The following CLPTM1 variants were observed in gnomAD, a reference collection of about 807,000 sequenced individuals.
CLPTM1 encodes the protein CLPTM1 regulator of GABA type A receptor forward trafficking, also known as putative lipid scramblase CLPTM1.
Under a neutral mutation model 77.3 loss-of-function variants are expected in CLPTM1, and 21 were observed. That is an observed-to-expected ratio of 0.27 (90% confidence interval 0.19 to 0.39). The LOEUF (loss-of-function observed/expected upper bound fraction) is 0.39. CLPTM1 is among the 10% of genes least tolerant of loss of function. The pLI, the probability that CLPTM1 is intolerant of heterozygous loss-of-function variation, is 1.00. For missense variants in CLPTM1, 642 were observed against 921.2 expected (o/e 0.70, Z 3.92); for synonymous variants, 373 against 381.0 (o/e 0.98, Z 0.24).
At chr19:44,963,518 G>C (rs534707936) in intron 2 of CLPTM1, among the ~76,000 whole-genome samples, 1 of 151,524 alleles carries the variant, frequency 6.6e-6, no homozygotes, top group African/African-American at 2.4e-5. Context: ...GTAGAGATGG[G>C]GTTTCACCGT....
chr19:44,968,567 A>G (rs1237749780), intron 2 of CLPTM1, among the ~76,000 whole-genome samples: 1 of 152,232 alleles, frequency 6.6e-6, no homozygotes. Context: ...GCCTGGGTGC[A>G]TGGATGAGGG....
intron 2 of CLPTM1, among the ~76,000 whole-genome samples, 164 bp from the exon 3 acceptor site, chr19:44,972,923 C>G (rs576482099): frequency 1.2e-4 from 18 of 152,248 alleles, no homozygotes; most frequent in Non-Finnish European, 2.1e-4. Flanking sequence ...TTAGGGACAT[C>G]TTATCTCCTT....
intron 1 of CLPTM1, among the ~76,000 whole-genome samples, chr19:44,959,153 T>C (rs929439396): frequency 3.9e-5 from 6 of 152,204 alleles, no homozygotes; most frequent in Non-Finnish European, 7.3e-5. Flanking sequence ...TTTTTAGTTT[T>C]TGTCTGTTGC....
At chr19:44,987,825 C>T (rs1971005796) in intron 8 of CLPTM1, 4 of 578,992 alleles carry the variant, frequency 6.9e-6, no homozygotes, top group Non-Finnish European at 1.2e-5. Flanking sequence ...TCCTGGCTCC[C>T]AGTGTCCCTT....
rs774543273 is a variant in CLPTM1 at position 44,992,739 on chromosome 19, G to C, written c.1852G>C (p.Ala618Pro). 3.7e-6 allele frequency: 6 copies of C among 1,613,106 alleles called. 1 individual carries two copies. In the East Asian group the frequency reaches 8.9e-5, roughly 24 times the overall value. The change falls in exon 14 of 14, where the codon GCA (alanine) becomes CCA (proline). Residue 618 changes from alanine (A) to proline (P), a missense_variant. Physicochemically the swap from Ala to Pro is conservative, Grantham distance 27. Coordinates refer to ENST00000337392, the MANE Select transcript of CLPTM1 (RefSeq NM_001294.4). This position sits in a 1 kb window ranked among gnomAD's most constrained non-coding sequence, Gnocchi z 7.7. ...AAPVAEVPTA[A>P]GALTPTPAPT... Reference sequence around the variant, plus strand: ...CCCCGTGGCCGAGGTTCCCACAGCAGCAGGGGCCCTCACGCCCACACCTGC... The same window carrying C: ...CCCCGTGGCCGAGGTTCCCACAGCACCAGGGGCCCTCACGCCCACACCTGC...
chr19:44,962,150 A>C, intron 2 of CLPTM1, 75 bp downstream of exon 2: 1 of 884,458 alleles, frequency 1.1e-6, no homozygotes. Context: ...AAGTCAGCTG[A>C]TCAGCTGAGG....
chr19:44,990,321 G>A lies in CLPTM1; in HGVS notation c.1133-74G>A. Reference sequence around the variant, plus strand: ...CCAGGGTGTGAGGATGCAGGCCAAGGGGGCCTGAGGGAGCTGCAGTAGGGT... The same window carrying A: ...CCAGGGTGTGAGGATGCAGGCCAAGAGGGCCTGAGGGAGCTGCAGTAGGGT... On this transcript the variant is annotated intron_variant, in intron 9 of 13. Transcript: ENST00000337392. This position sits in a 1 kb window ranked among gnomAD's most constrained non-coding sequence, Gnocchi z 4.8. 1 of 1,500,476 alleles carries A rather than the reference G, an allele frequency of 6.7e-7. No individual in the cohort carries two copies. The highest frequency in any genetic ancestry group is 9.1e-7 in the Non-Finnish European group (1 of 1,094,512). The allele number at this position is 1,500,476 out of a possible 1,614,324, so 92.9% of individuals were successfully genotyped here. A position where few individuals can be genotyped will look rare whatever the true frequency, so the allele number is the denominator to read the frequency against.
At chr19:44,980,859 A>G (rs1425516324) in intron 5 of CLPTM1, among the ~76,000 whole-genome samples, 2 of 151,076 alleles carry the variant, frequency 1.3e-5, no homozygotes, top group Non-Finnish European at 2.9e-5. Context: ...TTTTTTTGAG[A>G]TGAAGTCTTG....
chr19:44,968,742 A>G (rs1048448989), intron 2 of CLPTM1, among the ~76,000 whole-genome samples: 1 of 152,292 alleles, frequency 6.6e-6, no homozygotes, highest in Middle Eastern at 3.4e-3. Context: ...ACAGCCACAC[A>G]CTAAGCCAGG....
intron 4 of CLPTM1, among the ~76,000 whole-genome samples, chr19:44,975,043 CAT>C (rs1460901754): frequency 9.2e-6 from 1 of 108,152 alleles, no homozygotes; most frequent in Non-Finnish European, 1.9e-5. Flanking sequence ...TCTCATTTAA[CAT>C]GTGAGGAAAC....
chr19:44,979,228 C>G (rs1469832311), intron 5 of CLPTM1, among the ~76,000 whole-genome samples: 1 of 152,158 alleles, frequency 6.6e-6, no homozygotes, highest in Non-Finnish European at 1.5e-5. Flanking sequence ...GATCGTCTGC[C>G]TCGGCCTCCC....
chr19:44,982,370 G>A (rs1011426856), intron 5 of CLPTM1, among the ~76,000 whole-genome samples: 3 of 151,388 alleles, frequency 2.0e-5, no homozygotes, highest in African/African-American at 7.3e-5. Context: ...AGGGTCTAGC[G>A]TGTGTTTTAT....
chr19:44,971,348 ATTTTC>A (rs1314869293), intron 2 of CLPTM1, among the ~76,000 whole-genome samples: 1 of 151,784 alleles, frequency 6.6e-6, no homozygotes, highest in African/African-American at 2.4e-5. Flanking sequence ...ATATATTGAT[ATTTTC>A]TTAGTGTATT....
chr19:44,986,742 A>C (rs1040499582), intron 7 of CLPTM1, 167 bp downstream of exon 7: 1 of 847,762 alleles, frequency 1.2e-6, no homozygotes, highest in Non-Finnish European at 1.8e-6. Flanking sequence ...TCCCTCTCCC[A>C]CACCACCACC....
At chr19:44,956,568 G>C (rs1970467193) in intron 1 of CLPTM1, among the ~76,000 whole-genome samples, 1 of 152,158 alleles carries the variant, frequency 6.6e-6, no homozygotes, top group Admixed American at 6.5e-5. Context: ...AGCATTCTCA[G>C]CCAGGGCCTG....
chr19:44,956,753 C>T (rs1970469865), intron 1 of CLPTM1, among the ~76,000 whole-genome samples: 1 of 152,096 alleles, frequency 6.6e-6, no homozygotes, highest in Non-Finnish European at 1.5e-5. Flanking sequence ...TTCTCATTGC[C>T]CTGAGCTTCC....
intron 2 of CLPTM1, among the ~76,000 whole-genome samples, chr19:44,965,864 GTC>G (rs898624712): frequency 2.0e-5 from 3 of 152,208 alleles, no homozygotes; most frequent in Non-Finnish European, 2.9e-5. Flanking sequence ...TGGCTAGAAT[GTC>G]TTCACATGGC....
intron 2 of CLPTM1, among the ~76,000 whole-genome samples, chr19:44,965,937 T>C (rs1272392893): frequency 1.3e-5 from 2 of 152,270 alleles, no homozygotes; most frequent in Middle Eastern, 3.2e-3. Context: ...CTGAGCACCC[T>C]GCTGGAAAGC....
intron 4 of CLPTM1, among the ~76,000 whole-genome samples, chr19:44,975,004 C>T (rs538783610): frequency 6.6e-6 from 1 of 152,308 alleles, no homozygotes; most frequent in East Asian, 1.9e-4. Context: ...AATTTCCCGG[C>T]AACCCTGTGA....
Sources: allele counts gnomAD v4.1 joint callset (sites outside exome capture counted in the v4.1 genomes callset), GRCh38; gene constraint gnomAD v4.1.1; non-coding constraint Gnocchi (gnomAD v3.1); transcripts MANE v1.5; gene names NCBI Gene and HGNC (gene_info 2026-07-23, HGNC 2026-07-21).